VAV3: variants seen among roughly 807,000 people sequenced by gnomAD.
The protein encoded by VAV3 is guanine nucleotide exchange factor VAV3.
A neutral mutation model predicts 131.2 loss-of-function variants in VAV3; 94 were observed. The observed-to-expected ratio is 0.72, with a 90% CI of 0.61 to 0.85. The LOEUF is 0.85. Ranked by LOEUF, VAV3 falls within the 40% of genes least tolerant of loss-of-function variation. The pLI, the probability that VAV3 is intolerant of heterozygous loss-of-function variation, is 0.00. For synonymous variants in VAV3, 349 were observed against 342.0 expected, an observed-to-expected ratio of 1.02 and a Z score of -0.22; for missense variants, 939 against 1,002.7, an observed-to-expected ratio of 0.94 and a Z score of 0.86.
intron 20 of VAV3, among the ~76,000 whole-genome samples, chr1:107,641,377 C>T (rs756200478): frequency 3.3e-5 from 5 of 152,208 alleles, no homozygotes; most frequent in Non-Finnish European, 7.3e-5. Flanking sequence ...GATAACCTTT[C>T]TGTTGGTCCT....
intron 2 of VAV3, among the ~76,000 whole-genome samples, chr1:107,823,858 A>T (rs765298730): frequency 6.6e-6 from 1 of 152,184 alleles, no homozygotes; most frequent in Non-Finnish European, 1.5e-5. Context: ...TCATGAGAAG[A>T]CATAGTGAGG....
intron 2 of VAV3, among the ~76,000 whole-genome samples, chr1:107,809,640 G>T (rs1667225639): frequency 6.6e-6 from 1 of 152,122 alleles, no homozygotes; most frequent in Non-Finnish European, 1.5e-5. Flanking sequence ...AAAGATGAAA[G>T]AAGATATTCA....
At chr1:107,922,364 C>T (rs1672939614) in intron 1 of VAV3, among the ~76,000 whole-genome samples, 1 of 151,846 alleles carries the variant, frequency 6.6e-6, no homozygotes, top group Non-Finnish European at 1.5e-5. Context: ...GCATATTTTA[C>T]CAAAGTTAAA....
intron 1 of VAV3, among the ~76,000 whole-genome samples, chr1:107,917,404 G>T (rs1381995687): frequency 1.3e-5 from 2 of 152,050 alleles, no homozygotes; most frequent in African/African-American, 4.8e-5. Flanking sequence ...ATAGATAAGG[G>T]AACTAAGATT....
At chr1:107,654,725 G>C (rs956764995) in intron 19 of VAV3, among the ~76,000 whole-genome samples, 1 of 151,708 alleles carries the variant, frequency 6.6e-6, no homozygotes, top group Non-Finnish European at 1.5e-5. Context: ...TTATATTATG[G>C]TTTTCACTTA....
At chr1:107,728,031 C>T (rs1661957012) in intron 15 of VAV3, among the ~76,000 whole-genome samples, 1 of 152,108 alleles carries the variant, frequency 6.6e-6, no homozygotes, top group South Asian at 2.1e-4. Flanking sequence ...ATCAAGTATT[C>T]AGGAGTCAGG....
intron 2 of VAV3, among the ~76,000 whole-genome samples, chr1:107,805,954 A>G (rs1667039146): frequency 6.6e-6 from 1 of 152,132 alleles, no homozygotes; most frequent in South Asian, 2.1e-4. Flanking sequence ...AAGGGATACT[A>G]GCAGTGTGGG....
At chr1:107,714,923 G>C (rs1354631819) in intron 15 of VAV3, among the ~76,000 whole-genome samples, 3 of 152,044 alleles carry the variant, frequency 2.0e-5, no homozygotes, top group Non-Finnish European at 2.9e-5. Context: ...GGGCTTTATA[G>C]TAATTTTAAA....
intron 1 of VAV3, among the ~76,000 whole-genome samples, chr1:107,912,512 C>G (rs1475874377): frequency 2.0e-5 from 3 of 152,100 alleles, no homozygotes; most frequent in Non-Finnish European, 4.4e-5. Context: ...GGACAGGACC[C>G]CAGGACTCTG....
intron 14 of VAV3, 53 bp downstream of exon 14, chr1:107,749,409 C>T: frequency 1.3e-6 from 2 of 1,527,830 alleles, no homozygotes; most frequent in Non-Finnish European, 8.8e-7. Flanking sequence ...CATACTTTTC[C>T]TTAATGTTCA....
intron 1 of VAV3, among the ~76,000 whole-genome samples, chr1:107,945,616 G>A (rs1294088318): frequency 6.6e-6 from 1 of 152,060 alleles, no homozygotes; most frequent in African/African-American, 2.4e-5. Context: ...CTGAGGTCAA[G>A]CTCGAGACCA....
At chr1:107,750,755 T>C (rs1415072739) in intron 13 of VAV3, among the ~76,000 whole-genome samples, 9 of 152,358 alleles carry the variant, frequency 5.9e-5, no homozygotes, top group African/African-American at 2.2e-4. Context: ...TTAATCTTCT[T>C]TCTTAGGGCA....
At chr1:107,723,706 C>G (rs998723285) in intron 15 of VAV3, among the ~76,000 whole-genome samples, 6 of 152,146 alleles carry the variant, frequency 3.9e-5, no homozygotes, top group Non-Finnish European at 5.9e-5. Flanking sequence ...CCACCCTATA[C>G]AGAGGAGCTG....
At chr1:107,843,450 A>T (rs181511014) in intron 2 of VAV3, among the ~76,000 whole-genome samples, 14 of 147,834 alleles carry the variant, frequency 9.5e-5, no homozygotes, top group Admixed American at 2.0e-4. Flanking sequence ...TTCTATCACA[A>T]CTCTAAATGT....
intron 2 of VAV3, among the ~76,000 whole-genome samples, chr1:107,867,914 G>T (rs757114377): frequency 3.3e-5 from 5 of 152,150 alleles, no homozygotes; most frequent in Non-Finnish European, 7.4e-5. Context: ...CCCCTGAAAA[G>T]AATTCATCAC....
chr1:107,781,903 A>C (rs1472046041), intron 2 of VAV3, among the ~76,000 whole-genome samples: 1 of 152,228 alleles, frequency 6.6e-6, no homozygotes, highest in Non-Finnish European at 1.5e-5. Context: ...TTTATCAAAA[A>C]TAACTAATTC....
chr1:107,684,132 A>G (rs1658854509), intron 18 of VAV3, among the ~76,000 whole-genome samples: 1 of 152,258 alleles, frequency 6.6e-6, no homozygotes, highest in Non-Finnish European at 1.5e-5. Context: ...TAGAAAATGA[A>G]TCTGTAAGAA....
intron 18 of VAV3, among the ~76,000 whole-genome samples, chr1:107,683,762 C>G (rs948333748): frequency 6.6e-6 from 1 of 152,036 alleles, no homozygotes; most frequent in East Asian, 1.9e-4. Context: ...TACCTTATAA[C>G]AGTAAGAAAA....
chr1:107,672,400 TTAAA>T (rs1657884325), intron 19 of VAV3: 1 of 151,790 alleles, frequency 6.6e-6, no homozygotes, highest in South Asian at 2.1e-4. Context: ...TAAAAATAAG[TTAAA>T]TAAGTTATTA....
Sources: allele counts gnomAD v4.1 joint callset (sites outside exome capture counted in the v4.1 genomes callset), GRCh38; gene constraint gnomAD v4.1.1; transcripts MANE v1.5; gene names NCBI Gene and HGNC (gene_info 2026-07-23, HGNC 2026-07-21).